Variants in PCNX2 observed in about 807,000 individuals in gnomAD.
PCNX2 encodes pecanex-like protein 2.
A neutral mutation model predicts 223.8 loss-of-function variants in PCNX2; 168 were observed. The ratio of observed to expected loss-of-function variants is 0.75; its 90% CI spans 0.66 to 0.85. The LOEUF is 0.85. PCNX2 is among the 40% of genes least tolerant of loss of function. PCNX2 has a pLI of 0.00. For synonymous variants in PCNX2, 1,006 were observed against 1,052.6 expected (o/e 0.96, Z 0.86); for missense variants, 2,507 against 2,675.5 (o/e 0.94, Z 1.39).
intron 25 of PCNX2, among the ~76,000 whole-genome samples, chr1:233,029,978 T>G (rs1445259489): frequency 1.3e-5 from 2 of 152,176 alleles, no homozygotes; most frequent in African/African-American, 2.4e-5. Context: ...TGGATCGATA[T>G]TTTTCATCAG....
At chr1:233,080,238 C>T (rs1487351699) in intron 23 of PCNX2, among the ~76,000 whole-genome samples, 1 of 152,028 alleles carries the variant, frequency 6.6e-6, no homozygotes, top group Non-Finnish European at 1.5e-5. Flanking sequence ...CTGGTTTCTC[C>T]TTATTTCTAT....
At chr1:232,989,172 C>T (rs899839735) in intron 32 of PCNX2, among the ~76,000 whole-genome samples, 7 of 152,282 alleles carry the variant, frequency 4.6e-5, no homozygotes, top group South Asian at 4.1e-4. Flanking sequence ...ACTGCTCACT[C>T]GGCCGGGCAC....
Position 233,102,561 on chromosome 1 carries a change from T to G in PCNX2, c.3838-6698A>C, listed in dbSNP as rs1189171271. On this transcript the variant is annotated intron_variant, in intron 21 of 33. Transcript: ENST00000258229. ...ACATTCTGATAACAGCCATTTTAAC[T>G]GGGGTGAGATGATAGCTGATTGTGG... Among the ~76,000 whole-genome samples, 7 of 152,292 alleles carry G rather than the reference T, an allele frequency of 4.6e-5. No homozygotes were observed. The East Asian group carries it at 1.4e-3, about 29-fold the overall frequency.
At chr1:233,215,577 T>C (rs1682074769) in intron 12 of PCNX2, among the ~76,000 whole-genome samples, 1 of 152,198 alleles carries the variant, frequency 6.6e-6, no homozygotes. Context: ...CCATCCACCT[T>C]TACTGGGATG....
At chr1:233,100,125 A>C (rs1226599743) in intron 21 of PCNX2, among the ~76,000 whole-genome samples, 1 of 152,156 alleles carries the variant, frequency 6.6e-6, no homozygotes, top group Non-Finnish European at 1.5e-5. Flanking sequence ...AGAAAATCAC[A>C]ATGAGGGCCG....
At chr1:233,182,575 A>T (rs1440163303) in intron 15 of PCNX2, among the ~76,000 whole-genome samples, 2 of 151,638 alleles carry the variant, frequency 1.3e-5, no homozygotes, top group African/African-American at 4.9e-5. Flanking sequence ...ACCAAATGAA[A>T]TCTACTCCAC....
intron 21 of PCNX2, among the ~76,000 whole-genome samples, chr1:233,097,967 T>C (rs1164954800): frequency 6.6e-6 from 1 of 152,186 alleles, no homozygotes; most frequent in African/African-American, 2.4e-5. Context: ...CTCCTGCACA[T>C]GTGTACCTAA....
At chr1:233,060,464 G>C (rs563727729) in intron 23 of PCNX2, among the ~76,000 whole-genome samples, 14 of 152,308 alleles carry the variant, frequency 9.2e-5, no homozygotes, top group Admixed American at 8.5e-4. Context: ...AAATTCTGAT[G>C]AGCAATAACT....
intron 32 of PCNX2, among the ~76,000 whole-genome samples, chr1:232,994,652 G>A (rs1463516563): frequency 1.3e-5 from 2 of 152,154 alleles, no homozygotes; most frequent in Non-Finnish European, 2.9e-5. Flanking sequence ...ATATGGTTGA[G>A]CTCTGTATCC....
chr1:233,135,490 T>C (rs931273610), intron 20 of PCNX2, among the ~76,000 whole-genome samples: 4 of 152,224 alleles, frequency 2.6e-5, no homozygotes, highest in African/African-American at 9.6e-5. Flanking sequence ...CATCACATGC[T>C]TTTCAAAGTC....
At chr1:233,115,039 G>A (rs1370499943) in intron 21 of PCNX2, among the ~76,000 whole-genome samples, 2 of 152,090 alleles carry the variant, frequency 1.3e-5, no homozygotes, top group African/African-American at 4.8e-5. Context: ...TCCCACGTGG[G>A]AGAAAGAACT....
At position 233,227,348 on chromosome 1, in the gene PCNX2, G is replaced by T. The variant is rs1473431235; in HGVS notation, c.2382C>A (p.Ala794=). 1 of 1,613,118 alleles carries T rather than the reference G, an allele frequency of 6.2e-7. No individual in the cohort carries two copies. The highest frequency in any genetic ancestry group is 8.5e-7 in the Non-Finnish European group (1 of 1,179,528). The change falls in exon 10 of 34, where the codon GCC becomes GCA. Residue 794 remains alanine (A), a synonymous_variant. Transcript: ENST00000258229. ...TPRHVSQDLE[A]SSCSSTQGKF... is the part of the protein sequence containing the mutation. ...TTCCTTGTGTTGAAGAACATGACGA[G>T]GCTTCCAGATCCTGACTCACATGCT...
At chr1:233,237,228 G>A (rs1181401074) in intron 8 of PCNX2, among the ~76,000 whole-genome samples, 1 of 152,164 alleles carries the variant, frequency 6.6e-6, no homozygotes, top group Non-Finnish European at 1.5e-5. Flanking sequence ...AGGGCAGGTA[G>A]GTAGATGCCT....
At chr1:233,208,165 G>A (rs961929341) in intron 13 of PCNX2, among the ~76,000 whole-genome samples, 3 of 152,100 alleles carry the variant, frequency 2.0e-5, no homozygotes, top group African/African-American at 7.2e-5. Context: ...CACCATGTTG[G>A]CCAGGCTGGT....
intron 17 of PCNX2, among the ~76,000 whole-genome samples, chr1:233,163,362 C>G (rs1678608816): frequency 6.6e-6 from 1 of 151,834 alleles, no homozygotes; most frequent in Admixed American, 6.6e-5. Flanking sequence ...TGGCTCACAC[C>G]TGTGGTCCCA....
At chr1:233,147,596 T>C (rs7536780) in intron 19 of PCNX2, among the ~76,000 whole-genome samples, 15,486 of 151,930 alleles carry the variant, frequency 0.1, 2,366 homozygotes, top group African/African-American at 0.34. Context: ...AAAAAAAAAT[T>C]TATGTGTAAG....
intron 23 of PCNX2, among the ~76,000 whole-genome samples, chr1:233,067,108 A>C (rs1672642119): frequency 6.6e-6 from 1 of 152,010 alleles, no homozygotes; most frequent in Non-Finnish European, 1.5e-5. Flanking sequence ...GGTGTCAGTA[A>C]CAGCTAGCTG....
chr1:233,276,107 G>T (rs1660899147), intron 1 of PCNX2, among the ~76,000 whole-genome samples: 1 of 152,268 alleles, frequency 6.6e-6, no homozygotes, highest in East Asian at 1.9e-4. Context: ...ACAAAATGTG[G>T]TCTATACATA....
At chr1:233,189,884 T>G (rs1057304614) in intron 15 of PCNX2, among the ~76,000 whole-genome samples, 2 of 152,192 alleles carry the variant, frequency 1.3e-5, no homozygotes, top group African/African-American at 4.8e-5. Flanking sequence ...GAGCAAATAT[T>G]CTGGTTGTTT....
Sources: gnomAD v4.1 joint callset for allele counts (sites outside exome capture counted in the v4.1 genomes callset) on GRCh38, gnomAD v4.1.1 for gene constraint, MANE v1.5 for transcripts, NCBI Gene and HGNC (gene_info 2026-07-23, HGNC 2026-07-21) for gene names.